The following PCNX2 variants were observed in gnomAD, a reference collection of about 807,000 sequenced individuals.
The protein encoded by PCNX2 is pecanex 2, also known as pecanex-like protein 2.
A neutral mutation model predicts 223.8 loss-of-function variants in PCNX2; 168 were observed. The ratio of observed to expected loss-of-function variants is 0.75; its 90% confidence interval spans 0.66 to 0.85. The LOEUF is 0.85. Among genes scored for constraint, PCNX2 ranks in the 40% least tolerant of loss-of-function variants. The probability of loss-of-function intolerance (pLI) is 0.00; values close to 1 mark genes in which losing one functional copy is unlikely to be tolerated. For missense variants in PCNX2, 2,507 were observed against 2,675.5 expected (o/e 0.94, Z 1.39); for synonymous variants, 1,006 against 1,052.6 (o/e 0.96, Z 0.86).
rs1240783552 is a variant in PCNX2 at position 233,001,624 on chromosome 1, T to C, written c.5010A>G (p.Thr1670=). The change falls in exon 29 of 34, where the codon ACA becomes ACG. Residue 1670 remains threonine, a synonymous_variant. Coordinates refer to ENST00000258229, the MANE Select transcript of PCNX2 (RefSeq NM_014801.4). The surrounding 1 kb of genome is among the most constrained non-coding windows in gnomAD (Gnocchi z 4.2). ...HVLFKGDFRI[T]ARDEWVFADM... ...CAGCAAATACCCACTCGTCACGTGC[T>C]GTTATTCTGAAGTCACCTTTGAAGA... 7 of 1,592,006 alleles carry C rather than the reference T, an allele frequency of 4.4e-6. No homozygotes were observed. Among genetic ancestry groups the C allele is most frequent in the Non-Finnish European group, 5.1e-6 (6 of 1,167,570 alleles).
At chr1:233,073,421 T>C (rs943642563) in intron 23 of PCNX2, among the ~76,000 whole-genome samples, 2 of 152,134 alleles carry the variant, frequency 1.3e-5, no homozygotes, top group Admixed American at 1.3e-4. Context: ...TTGGATTTTG[T>C]ACACTCTTCT....
intron 25 of PCNX2, among the ~76,000 whole-genome samples, chr1:233,035,981 T>G (rs1346654116): frequency 6.6e-6 from 1 of 152,150 alleles, no homozygotes; most frequent in Admixed American, 6.5e-5. Flanking sequence ...AATTCTAAAT[T>G]TGTATTGCCT....
At chr1:232,998,020 TG>T (rs1449617465) in intron 32 of PCNX2, among the ~76,000 whole-genome samples, 1 of 152,106 alleles carries the variant, frequency 6.6e-6, no homozygotes, top group African/African-American at 2.4e-5. Context: ...GACAGACAGA[TG>T]AATGGCTGGC....
chr1:233,255,323 C>T (rs1263670082), intron 5 of PCNX2, among the ~76,000 whole-genome samples: 2 of 152,186 alleles, frequency 1.3e-5, no homozygotes, highest in East Asian at 1.9e-4. Flanking sequence ...AGTCCAGCCA[C>T]CTCCAGCTTC....
intron 27 of PCNX2, among the ~76,000 whole-genome samples, chr1:233,015,307 A>G (rs1670613083): frequency 6.6e-6 from 1 of 152,144 alleles, no homozygotes; most frequent in Non-Finnish European, 1.5e-5. Flanking sequence ...AATCCCAGCA[A>G]TTTGGGAAGC....
At chr1:233,250,925 T>G in intron 7 of PCNX2, 93 bp from the exon 8 acceptor site, 2 of 1,352,908 alleles carry the variant, frequency 1.5e-6, no homozygotes, top group Non-Finnish European at 9.9e-7. Context: ...AAAGGAAACT[T>G]ATTTTGGTCT....
chr1:233,177,316 G>A (rs1679534180), intron 17 of PCNX2, among the ~76,000 whole-genome samples: 1 of 152,168 alleles, frequency 6.6e-6, no homozygotes, highest in African/African-American at 2.4e-5. Context: ...ACCTTTCTTA[G>A]CATTCCACAA....
chr1:233,223,886 A>G (rs990937836), intron 10 of PCNX2, among the ~76,000 whole-genome samples: 3 of 152,138 alleles, frequency 2.0e-5, no homozygotes, highest in Admixed American at 1.3e-4. Context: ...CTCTCATTTT[A>G]TATCTCAGTT....
At chr1:233,216,606 C>T (rs1278716843) in intron 12 of PCNX2, among the ~76,000 whole-genome samples, 8 of 151,998 alleles carry the variant, frequency 5.3e-5, no homozygotes, top group South Asian at 4.2e-4. Flanking sequence ...GTACAGAAAT[C>T]GGTACAGCCA....
chr1:232,986,024 C>G lies in PCNX2; in HGVS notation c.6240+68G>C, dbSNP rs1227245690. 6 of 1,509,976 alleles carry G rather than the reference C, an allele frequency of 4.0e-6. No individual in the cohort carries two copies. In the Admixed American group the frequency reaches 1.2e-4, roughly 30 times the overall value. The allele number at this position is 1,509,976 out of a possible 1,614,324, so 93.5% of individuals were successfully genotyped here. On this transcript the variant is annotated intron_variant, in intron 33 of 33. Coordinates refer to ENST00000258229, the MANE Select transcript of PCNX2 (RefSeq NM_014801.4). ...GAAGGGTGGGAACGCAAGGCAGGTG[C>G]CACGCTCAGGCCAGGAGCCCGTGCC...
At chr1:233,068,605 A>G (rs990387456) in intron 23 of PCNX2, among the ~76,000 whole-genome samples, 1 of 152,176 alleles carries the variant, frequency 6.6e-6, no homozygotes, top group Non-Finnish European at 1.5e-5. Context: ...ACATGAAAAG[A>G]CTTCTACACT....
chr1:233,050,619 T>G (rs1671970511), intron 25 of PCNX2, among the ~76,000 whole-genome samples: 1 of 152,222 alleles, frequency 6.6e-6, no homozygotes, highest in Non-Finnish European at 1.5e-5. Flanking sequence ...CTGGGATAGC[T>G]GGCTAGCCAT....
intron 1 of PCNX2, among the ~76,000 whole-genome samples, chr1:233,279,389 TTG>T (rs57288356): frequency 0.057 from 8,163 of 142,318 alleles, 604 homozygotes; most frequent in African/African-American, 0.18. Context: ...TAATTTGTGT[TTG>T]TGTGTGTGTG....
chr1:233,083,378 G>T (rs1673450658), intron 23 of PCNX2, among the ~76,000 whole-genome samples: 1 of 152,176 alleles, frequency 6.6e-6, no homozygotes, highest in African/African-American at 2.4e-5. Context: ...GTGTCAGCAG[G>T]GGTATCCAGG....
intron 21 of PCNX2, among the ~76,000 whole-genome samples, chr1:233,128,291 A>T (rs58935228): frequency 0.011 from 1,601 of 152,244 alleles, 36 homozygotes; most frequent in African/African-American, 0.036. Context: ...ATCCTGTGAC[A>T]ACCCAAAGTT....
intron 21 of PCNX2, chr1:233,112,810 G>C: frequency 8.0e-7 from 1 of 1,247,622 alleles, no homozygotes; most frequent in Non-Finnish European, 1.0e-6. Flanking sequence ...TGCTAGGCTT[G>C]ATGTCCCAAA....
chr1:233,225,791 A>G (rs1657674075), intron 10 of PCNX2, among the ~76,000 whole-genome samples: 2 of 152,220 alleles, frequency 1.3e-5, no homozygotes, highest in Admixed American at 1.3e-4. Context: ...AAAATAATTA[A>G]TATTTCAAAA....
chr1:232,998,547 G>T, intron 31 of PCNX2, 109 bp from the exon 32 acceptor site: 3 of 1,174,006 alleles, frequency 2.6e-6, no homozygotes, highest in African/African-American at 1.6e-5. Context: ...TGCTCTCCAG[G>T]TGAGTAGCCC....
chr1:233,013,165 A>G (rs796235662), intron 28 of PCNX2, among the ~76,000 whole-genome samples: 20 of 152,346 alleles, frequency 1.3e-4, no homozygotes, highest in African/African-American at 4.3e-4. Flanking sequence ...AGATTGGCCT[A>G]AAATAGGCAT....
Sources: gnomAD v4.1 joint callset for allele counts (sites outside exome capture counted in the v4.1 genomes callset) on GRCh38, gnomAD v4.1.1 for gene constraint, Gnocchi (gnomAD v3.1) non-coding constraint, MANE v1.5 for transcripts, NCBI Gene and HGNC (gene_info 2026-07-23, HGNC 2026-07-21) for gene names.